Variants in PRMT3 observed in about 807,000 individuals in gnomAD.
The protein encoded by PRMT3 is protein arginine methyltransferase 3, also known as protein arginine N-methyltransferase 3.
In PRMT3, 62 loss-of-function variants were observed where a neutral mutation model predicts 71.9. The observed-to-expected ratio is 0.86, with a 90% CI of 0.70 to 1.07. The LOEUF is 1.07. PRMT3 is among the 50% of genes least tolerant of loss of function. PRMT3 has a pLI of 0.00. For missense variants in PRMT3, 663 were observed against 643.0 expected, an observed-to-expected ratio of 1.03 and a Z score of -0.34; for synonymous variants, 213 against 220.4, an observed-to-expected ratio of 0.97 and a Z score of 0.30.
chr11:20,408,628 G>T (rs1485049284), intron 9 of PRMT3, among the ~76,000 whole-genome samples: 1 of 152,120 alleles, frequency 6.6e-6, no homozygotes, highest in East Asian at 1.9e-4. Flanking sequence ...TAGTGAGAAG[G>T]CCTTTATTTG....
chr11:20,428,829 T>C (rs1467625465), intron 10 of PRMT3, among the ~76,000 whole-genome samples: 2 of 152,196 alleles, frequency 1.3e-5, no homozygotes, highest in Non-Finnish European at 2.9e-5. Context: ...CTTCCCTTCT[T>C]ACTTTATCTC....
chr11:20,478,286 T>C (rs924492468), intron 13 of PRMT3, among the ~76,000 whole-genome samples: 2 of 152,214 alleles, frequency 1.3e-5, no homozygotes, highest in Non-Finnish European at 2.9e-5. Flanking sequence ...ATAAATTGCT[T>C]TTTAAAGCCC....
chr11:20,488,939 A>G (rs981905586), intron 13 of PRMT3, among the ~76,000 whole-genome samples: 2 of 152,152 alleles, frequency 1.3e-5, no homozygotes, highest in African/African-American at 4.8e-5. Context: ...TTTTTGTGAA[A>G]TCCACAAAAA....
chr11:20,505,387 T>A (rs1851566462), intron 15 of PRMT3, among the ~76,000 whole-genome samples: 1 of 152,218 alleles, frequency 6.6e-6, no homozygotes, highest in Non-Finnish European at 1.5e-5. Context: ...ATATGTGAAC[T>A]ACTTTATACC....
chr11:20,445,486 T>C (rs1850005388), intron 10 of PRMT3, among the ~76,000 whole-genome samples: 2 of 152,110 alleles, frequency 1.3e-5, no homozygotes, highest in Admixed American at 1.3e-4. Context: ...TCACCCACGT[T>C]ATTGTATATT....
chr11:20,401,621 TA>T (rs562844976), intron 7 of PRMT3, among the ~76,000 whole-genome samples: 27 of 152,310 alleles, frequency 1.8e-4, no homozygotes, highest in Middle Eastern at 3.4e-3. Flanking sequence ...GCAATTGGTG[TA>T]ATATGTTCTT....
At chr11:20,428,996 G>A (rs1849602444) in intron 10 of PRMT3, among the ~76,000 whole-genome samples, 1 of 152,188 alleles carries the variant, frequency 6.6e-6, no homozygotes, top group Non-Finnish European at 1.5e-5. Flanking sequence ...AAGTCTGGTT[G>A]TCTCACTCTC....
At chr11:20,440,489 C>CAAAAAAAAAAAAAAAAAA (rs55801324) in intron 10 of PRMT3, among the ~76,000 whole-genome samples, 1 of 115,922 alleles carries the variant, frequency 8.6e-6, no homozygotes, top group Admixed American at 9.7e-5. Flanking sequence ...ACTAAAAATA[C>CAAAAAAAAAAAAAAAAAA]AAAAAAAAAA....
intron 15 of PRMT3, among the ~76,000 whole-genome samples, chr11:20,500,091 G>A (rs1223658319): frequency 6.6e-6 from 1 of 152,208 alleles, no homozygotes; most frequent in African/African-American, 2.4e-5. Context: ...GATCAGCACA[G>A]ACAGCGAGAG....
At chr11:20,499,303 A>T (rs1260042294) in intron 15 of PRMT3, among the ~76,000 whole-genome samples, 4 of 152,190 alleles carry the variant, frequency 2.6e-5, no homozygotes, top group African/African-American at 9.6e-5. Context: ...GACAGAATGG[A>T]ATCCTGAAAA....
chr11:20,463,311 G>A (rs1051582022), intron 12 of PRMT3, among the ~76,000 whole-genome samples: 3 of 152,208 alleles, frequency 2.0e-5, no homozygotes, highest in African/African-American at 7.2e-5. Flanking sequence ...CAGCTTTTAA[G>A]AAAAACAGTC....
intron 7 of PRMT3, among the ~76,000 whole-genome samples, chr11:20,399,593 C>A (rs1456738727): frequency 6.6e-6 from 1 of 152,008 alleles, no homozygotes; most frequent in Admixed American, 6.6e-5. Context: ...TATTAAATCA[C>A]CCCATCAGCT....
intron 12 of PRMT3, among the ~76,000 whole-genome samples, chr11:20,464,178 T>C (rs1430750765): frequency 6.6e-6 from 1 of 152,158 alleles, no homozygotes; most frequent in African/African-American, 2.4e-5. Context: ...AGGAAAACTT[T>C]AGCACATTAG....
rs1590122791 is a variant in PRMT3, at chr11:20,509,297, G to C, written c.*884G>C. ...ACTTATAAAATATTTTAAAAATATT[G>C]ATATTATAAAAGTTTTCAATAAAAT... On this transcript the variant is annotated 3_prime_UTR_variant, in exon 16 of 16. Transcript: ENST00000331079. The C allele has an allele frequency of 6.6e-6, 1 of 152,002 alleles. No individual in the cohort carries two copies. The highest frequency in any genetic ancestry group is 1.9e-4 in the East Asian group (1 of 5,182). 9.4% of individuals were successfully genotyped at this position (152,002 alleles called of 1,614,324 possible). A position where few individuals can be genotyped will look rare whatever the true frequency, so the allele number is the denominator to read the frequency against.
intron 13 of PRMT3, among the ~76,000 whole-genome samples, chr11:20,491,785 T>G (rs1048803517): frequency 1.3e-5 from 2 of 152,204 alleles, no homozygotes; most frequent in African/African-American, 4.8e-5. Flanking sequence ...GGTTTGGATC[T>G]CACCTGAAAA....
chr11:20,395,856 C>T lies in PRMT3; in HGVS notation c.454C>T (p.Leu152Phe). 6.2e-7 allele frequency: 1 copy of T among 1,613,960 alleles called. No individual in the cohort carries two copies. Among genetic ancestry groups the T allele is most frequent in the Non-Finnish European group, 8.5e-7 (1 of 1,179,918 alleles). Residue 152 changes from leucine (L) to phenylalanine (F), a missense_variant, in exon 6 of 16, where the codon CTC (leucine) becomes TTC (phenylalanine). Physicochemically the swap from Leu to Phe is conservative, Grantham distance 22. Transcript: ENST00000331079. Reference sequence around the variant, plus strand: ...AGTACCCTTCTCATACCCCAATGGACTCAGTGAAAATACATCTGTTGTTGA... The same window carrying T: ...AGTACCCTTCTCATACCCCAATGGATTCAGTGAAAATACATCTGTTGTTGA... ...VSVPFSYPNG[L>F]SENTSVVEKL...
At position 20,426,815 on chromosome 11, in the gene PRMT3, G is replaced by A; in HGVS notation, c.943G>A (p.Glu315Lys). ...TACACTAATTAAAGGAAAGATTGAA[G>A]AAGTTCATCTTCCTGTAGAAAAAGT... ...TITLIKGKIE[E>K]VHLPVEKVDV... is the part of the protein sequence containing the mutation. The change falls in exon 10 of 16, where the codon GAA (glutamate) becomes AAA (lysine). Residue 315 changes from glutamate (E) to lysine (K), a missense_variant. Transcript: ENST00000331079. 6.6e-7 allele frequency: 1 copy of A among 1,526,094 alleles called. No homozygotes were observed. The highest frequency in any genetic ancestry group is 8.7e-7 in the Non-Finnish European group (1 of 1,148,762). The allele number at this position is 1,526,094 out of a possible 1,614,324, so 94.5% of individuals were successfully genotyped here.
chr11:20,422,914 CTG>C (rs997561969), intron 9 of PRMT3, among the ~76,000 whole-genome samples: 1 of 152,198 alleles, frequency 6.6e-6, no homozygotes, highest in Non-Finnish European at 1.5e-5. Context: ...AGGCTTCTTA[CTG>C]TGTGAATTGA....
At chr11:20,487,069 AAAG>A (rs533617239) in intron 13 of PRMT3, among the ~76,000 whole-genome samples, 2,842 of 151,950 alleles carry the variant, frequency 0.019, 86 homozygotes, top group African/African-American at 0.064. Context: ...GAAAAAAAAA[AAAG>A]AAGAAGAAGA....
Sources: allele counts gnomAD v4.1 joint callset (sites outside exome capture counted in the v4.1 genomes callset), GRCh38; gene constraint gnomAD v4.1.1; transcripts MANE v1.5; gene names NCBI Gene and HGNC (gene_info 2026-07-23, HGNC 2026-07-21).